Variants in PLXND1 observed in about 807,000 individuals in gnomAD.
PLXND1 encodes plexin D1.
Under a neutral mutation model 197.7 loss-of-function variants are expected in PLXND1, and 54 were observed. The observed-to-expected ratio is 0.27, with a 90% CI of 0.22 to 0.34. PLXND1 has a LOEUF of 0.34. PLXND1 is among the 10% of genes least tolerant of loss of function. The pLI is 1.00. For synonymous variants in PLXND1, 1,180 were observed against 1,161.2 expected, an observed-to-expected ratio of 1.02 and a Z score of -0.33; for missense variants, 2,127 against 2,699.2, an observed-to-expected ratio of 0.79 and a Z score of 4.70.
At chr3:129,575,621 G>A (rs2085301969) in intron 10 of PLXND1, 59 bp from the exon 11 acceptor site, 1 of 1,352,462 alleles carries the variant, frequency 7.4e-7, no homozygotes, top group Non-Finnish European at 1.0e-6. Context: ...CTCTGCTGGG[G>A]ATGGGTGTCA....
chr3:129,574,289 G>A (rs367894690), intron 12 of PLXND1, 47 bp downstream of exon 12: 41 of 1,522,938 alleles, frequency 2.7e-5, no homozygotes, highest in East Asian at 1.5e-4. Flanking sequence ...CTGCGCATGC[G>A]CCGTGCCGGA....
rs138452605 is a variant in PLXND1 at position 129,595,921 on chromosome 3, G to GCGCACACA, written c.1312-6395_1312-6394insTGTGTGCG. 2.7e-3 allele frequency among the ~76,000 whole-genome samples: 397 copies of GCGCACACA among 146,510 alleles called. 3 individuals carry two copies. Among genetic ancestry groups the GCGCACACA allele is most frequent in the South Asian group, 9.5e-3 (43 of 4,534 alleles). On this transcript the variant is annotated intron_variant, in intron 1 of 35. Coordinates refer to ENST00000324093, the MANE Select transcript of PLXND1 (RefSeq NM_015103.3). ...CTTACAGCCCTGGGGGTGCACGCAC[G>GCGCACACA]CACACACACACACACACACACACAC...
rs568635585 is a variant in PLXND1, at chr3:129,555,394, C to T, written c.*918G>A. On this transcript the variant is annotated 3_prime_UTR_variant, in exon 36 of 36. Coordinates refer to ENST00000324093, the MANE Select transcript of PLXND1 (RefSeq NM_015103.3). ...GAACGGAGTGGGTGGTAGTCTCAGG[C>T]GCCAGGGGCGCTCTGCCAGGTCTGC... 27 of 633,226 alleles carry T rather than the reference C, an allele frequency of 4.3e-5. No homozygotes were observed. The highest frequency in any genetic ancestry group is 9.0e-5 in the East Asian group (3 of 33,488). 39.2% of individuals were successfully genotyped at this position (633,226 alleles called of 1,614,324 possible).
intron 31 of PLXND1, 77 bp from the exon 32 acceptor site, chr3:129,559,860 G>A (rs1417398991): frequency 9.5e-6 from 12 of 1,267,642 alleles, no homozygotes; most frequent in African/African-American, 4.5e-5. Context: ...GTGGCTCTGC[G>A]GAGCTTGAAA....
chr3:129,602,060 T>C (rs1020411090), intron 1 of PLXND1, among the ~76,000 whole-genome samples: 8 of 152,200 alleles, frequency 5.3e-5, no homozygotes, highest in African/African-American at 1.7e-4. Context: ...CTTTCTAAAA[T>C]AATAGGTAGA....
At position 129,561,676 on chromosome 3, in the gene PLXND1, T is replaced by C. The variant is rs1332608650; in HGVS notation, c.4963A>G (p.Ile1655Val). Residue 1655 changes from isoleucine to valine, a missense_variant, in exon 29 of 36, where the codon ATA becomes GTA. By Grantham distance (29) the Ile-to-Val change is conservative. Transcript: ENST00000324093. ...PEGASLAMSL[I>V]DKKDNTLGRV... ...CCCAGTGTGTTGTCCTTCTTGTCTA[T>C]GAGACTCATGGCCAGGGAGGCACCT... The C allele has an allele frequency of 3.7e-6, 6 of 1,606,536 alleles. No homozygotes were observed. In the Admixed American group the frequency reaches 1.0e-4, roughly 27 times the overall value.
chr3:129,559,483 TCCGAGAACACACAG>T, intron 32 of PLXND1, 123 bp downstream of exon 32: 1 of 669,176 alleles, frequency 1.5e-6, no homozygotes. Context: ...AAGTCACTCA[TCCGAGAACACACAG>T]CTGGGAAATG....
rs60340844 is a variant in PLXND1, at chr3:129,555,971, G to T, written c.*341C>A. Reference sequence around the variant, plus strand: ...CCTCTCCCCCAGTTTGTGCTTGGCCGCCTGGATGCACGGGGCTCTTGGCAG... The same window carrying T: ...CCTCTCCCCCAGTTTGTGCTTGGCCTCCTGGATGCACGGGGCTCTTGGCAG... On this transcript the variant is annotated 3_prime_UTR_variant, in exon 36 of 36. Transcript: ENST00000324093. 1 of 298,280 alleles carries T rather than the reference G, an allele frequency of 3.4e-6. No homozygotes were observed. The highest frequency in any genetic ancestry group is 5.0e-5 in the South Asian group (1 of 19,904). The allele number at this position is 298,280 out of a possible 1,614,324, so 18.5% of individuals were successfully genotyped here.
chr3:129,564,838 C>T (rs1037636668), intron 25 of PLXND1, among the ~76,000 whole-genome samples: 1 of 152,264 alleles, frequency 6.6e-6, no homozygotes, highest in Non-Finnish European at 1.5e-5. Flanking sequence ...CACCACTCCT[C>T]GCCTGGCTCA....
At chr3:129,603,090 G>C (rs527445119) in intron 1 of PLXND1, among the ~76,000 whole-genome samples, 16 of 152,344 alleles carry the variant, frequency 1.1e-4, no homozygotes, top group Admixed American at 5.2e-4. Context: ...CGGGGACCTT[G>C]AGCACCTCTG....
chr3:129,574,341 G>T lies in PLXND1; in HGVS notation c.2680C>A (p.His894Asn), dbSNP rs558944120. 3 of 1,602,708 alleles carry T rather than the reference G, an allele frequency of 1.9e-6. No homozygotes were observed. Among genetic ancestry groups the T allele is most frequent in the Non-Finnish European group, 2.6e-6 (3 of 1,175,294 alleles). ...MAGTCPAPEI[H>N]AIEPLSGPLD... ...CCTCCACTGGGCATGCTTACCGCGT[G>T]GATCTCGGGGGCGGGGCAGGTGCCA... The change falls in exon 12 of 36, where the codon CAC becomes AAC. Residue 894 changes from histidine (H) to asparagine (N), a missense_variant. Coordinates refer to ENST00000324093, the MANE Select transcript of PLXND1 (RefSeq NM_015103.3).
chr3:129,573,940 C>G (rs1007899830), intron 12 of PLXND1, among the ~76,000 whole-genome samples, 195 bp from the exon 13 acceptor site: 2 of 152,152 alleles, frequency 1.3e-5, no homozygotes, highest in African/African-American at 4.8e-5. Flanking sequence ...TGTGGGTGTG[C>G]ATTACTGAGC....
chr3:129,569,716 AT>A, intron 20 of PLXND1, 126 bp downstream of exon 20: 1 of 651,568 alleles, frequency 1.5e-6, no homozygotes, highest in South Asian at 1.7e-5. Flanking sequence ...ACCTGTTCCC[AT>A]GGCCAAGCCT....
In PLXND1 at chr3:129,606,415, G is replaced by C. The variant is rs757052263; in HGVS notation, c.225C>G (p.Ala75=). The change falls in exon 1 of 36, where the codon GCC becomes GCG. Residue 75 remains alanine (A), a synonymous_variant. Coordinates refer to ENST00000324093, the MANE Select transcript of PLXND1 (RefSeq NM_015103.3). ...DGAAGTVYLA[A]VNRLYQLSGA... ...CCGACAGCTGATAGAGGCGGTTGAC[G>C]GCCGCCAGGTACACGGTCCCCGCCG... 1 of 1,473,204 alleles carries C rather than the reference G, an allele frequency of 6.8e-7. No homozygotes were observed. Among genetic ancestry groups the C allele is most frequent in the Non-Finnish European group, 9.0e-7 (1 of 1,116,824 alleles). 91.3% of individuals were successfully genotyped at this position (1,473,204 alleles called of 1,614,324 possible). A position where few individuals can be genotyped will look rare whatever the true frequency, so the allele number is the denominator to read the frequency against.
intron 1 of PLXND1, among the ~76,000 whole-genome samples, chr3:129,602,728 C>T (rs2085728157): frequency 6.6e-6 from 1 of 152,194 alleles, no homozygotes; most frequent in Non-Finnish European, 1.5e-5. Flanking sequence ...CAAGCAGAGA[C>T]CTGTGCTAAT....
At chr3:129,567,919 G>A (rs1182901822) in intron 20 of PLXND1, 114 bp from the exon 21 acceptor site, 3 of 325,708 alleles carry the variant, frequency 9.2e-6, no homozygotes, top group African/African-American at 4.6e-5. Context: ...GTGGGAGGAG[G>A]CCCTGCAGTC....
Position 129,605,460 on chromosome 3 carries a change from C to G in PLXND1, c.1180G>C (p.Ala394Pro). 1 of 1,501,502 alleles carries G rather than the reference C, an allele frequency of 6.7e-7. No individual in the cohort carries two copies. The highest frequency in any genetic ancestry group is 8.8e-7 in the Non-Finnish European group (1 of 1,132,566). 93.0% of individuals were successfully genotyped at this position (1,501,502 alleles called of 1,614,324 possible). ...GCTCGGATGGCGGCTCGCACGTCGG[C>G]GAAGCGGAAGGCGCAGAGTGCGGCC... is the stretch of plus-strand genomic sequence containing the variant. ...APAALCAFRF[A>P]DVRAAIRAAR... The change falls in exon 1 of 36, where the codon GCC (alanine) becomes CCC (proline). Residue 394 changes from alanine to proline, a missense_variant. Physicochemically the swap from Ala to Pro is conservative, Grantham distance 27. Around this residue, in one of 6 missense-constraint regions of PLXND1, gnomAD observed 1,095 missense variants for 1,259.8 expected, o/e 0.87. Coordinates refer to ENST00000324093, the MANE Select transcript of PLXND1 (RefSeq NM_015103.3).
Position 129,599,213 on chromosome 3 carries a change from C to T in PLXND1, c.1311+6116G>A, listed in dbSNP as rs141905452. On this transcript the variant is annotated intron_variant, in intron 1 of 35. Transcript: ENST00000324093. ...TGGTTTCCTTAATCTCCATGGAGAC[C>T]GGGAGTCACAGGCGGGTGAATCGGA... Among the ~76,000 whole-genome samples, 13 of 152,238 alleles carry T rather than the reference C, an allele frequency of 8.5e-5. No homozygotes were observed. The East Asian group carries it at 2.1e-3, about 25-fold the overall frequency.
intron 11 of PLXND1, 105 bp downstream of exon 11, chr3:129,575,364 G>T: frequency 1.4e-6 from 1 of 695,006 alleles, no homozygotes; most frequent in South Asian, 1.6e-5. Context: ...AATGGGGTGG[G>T]ACATCTGCGG....
Sources: allele counts gnomAD v4.1 joint callset (sites outside exome capture counted in the v4.1 genomes callset), GRCh38; gene constraint gnomAD v4.1.1; regional missense constraint gnomAD v4.1.1; transcripts MANE v1.5; gene names NCBI Gene and HGNC (gene_info 2026-07-23, HGNC 2026-07-21).